ARID4B: variants seen among roughly 807,000 people sequenced by gnomAD.
ARID4B encodes AT-rich interaction domain 4B.
A neutral mutation model predicts 147.5 loss-of-function variants in ARID4B; 26 were observed. That is an observed-to-expected ratio of 0.18 (90% confidence interval 0.13 to 0.24). The LOEUF is 0.24. Ranked by LOEUF, ARID4B falls within the 10% of genes least tolerant of loss-of-function variation. The probability of loss-of-function intolerance (pLI) is 1.00; values close to 1 mark genes in which losing one functional copy is unlikely to be tolerated. For synonymous variants in ARID4B, 512 were observed against 507.9 expected, an observed-to-expected ratio of 1.01 and a Z score of -0.11; for missense variants, 1,179 against 1,511.5, an observed-to-expected ratio of 0.78 and a Z score of 3.65.
chr1:235,260,749 G>C lies in ARID4B; in HGVS notation c.10C>G (p.Leu4Val), dbSNP rs1348926513. Residue 4 changes from leucine to valine, a missense_variant, in exon 3 of 24, where the codon CTT becomes GTT. Leu to Val is a conservative substitution (Grantham distance 32, BLOSUM62 1). Transcript: ENST00000264183. ...ACTGTCAAATAGGGAGGCTCATCAAGGGCCTAAAAATGCAAAGAAATATAA... is the reference window on the plus strand; with the variant it reads ...ACTGTCAAATAGGGAGGCTCATCAACGGCCTAAAAATGCAAAGAAATATAA... The part of the protein sequence containing the change: MKA[L>V]DEPPYLTVGT... The C allele has an allele frequency of 6.3e-7, 1 of 1,599,296 alleles. No individual in the cohort carries two copies. Among genetic ancestry groups the C allele is most frequent in the Admixed American group, 1.8e-5 (1 of 56,738 alleles).
At position 235,235,441 on chromosome 1, in the gene ARID4B, G is replaced by T. The variant is rs545427529; in HGVS notation, c.586-949C>A. 2.0e-5 allele frequency among the ~76,000 whole-genome samples: 3 copies of T among 152,292 alleles called. No individual in the cohort carries two copies. In the East Asian group the frequency reaches 5.8e-4, roughly 29 times the overall value. On this transcript the variant is annotated intron_variant, in intron 8 of 23. Transcript: ENST00000264183. Reference sequence around the variant, plus strand: ...AATCCACTCATTACTTTTCCCTGATGAGCGAAGGATTTCGAAAACTGCACA... The same window carrying T: ...AATCCACTCATTACTTTTCCCTGATTAGCGAAGGATTTCGAAAACTGCACA...
intron 2 of ARID4B, among the ~76,000 whole-genome samples, chr1:235,316,493 A>G (rs1674442492): frequency 6.6e-6 from 1 of 152,062 alleles, no homozygotes; most frequent in South Asian, 2.1e-4. Context: ...TGGGCGACAC[A>G]GCAAGACTTC....
At chr1:235,326,352 G>A (rs1257644469) in intron 2 of ARID4B, among the ~76,000 whole-genome samples, 1 of 152,042 alleles carries the variant, frequency 6.6e-6, no homozygotes, top group Admixed American at 6.6e-5. Context: ...CTTATTTACA[G>A]ACCAACCAGA....
At position 235,219,854 on chromosome 1, in the gene ARID4B, T is replaced by C. The variant is rs917178689; in HGVS notation, c.1522A>G (p.Thr508Ala). 23 of 1,609,268 alleles carry C rather than the reference T, an allele frequency of 1.4e-5. No homozygotes were observed. The highest frequency in any genetic ancestry group is 9.0e-5 in the East Asian group (4 of 44,626). Residue 508 changes from threonine (T) to alanine (A), a missense_variant, in exon 16 of 24, where the codon ACT becomes GCT. This residue lies in a region of ARID4B where 204 missense variants were observed against 210.9 expected (regional missense o/e 0.97). Transcript: ENST00000264183. ...ENLDDKDDDT[T>A]RVDESLNIKV... ...ATGTTGAGGGATTCATCTACCCTAGTTGTGTCATCATCTTTGTCATCCAGA... is the reference window on the plus strand; with the variant it reads ...ATGTTGAGGGATTCATCTACCCTAGCTGTGTCATCATCTTTGTCATCCAGA...
At chr1:235,265,967 T>C (rs1316703494) in intron 2 of ARID4B, among the ~76,000 whole-genome samples, 1 of 152,148 alleles carries the variant, frequency 6.6e-6, no homozygotes, top group Non-Finnish European at 1.5e-5. Flanking sequence ...TTTAAGTCTA[T>C]ATACAAATGG....
chr1:235,240,170 G>A, intron 8 of ARID4B, 143 bp downstream of exon 8: 1 of 695,678 alleles, frequency 1.4e-6, no homozygotes, highest in Non-Finnish European at 2.2e-6. Flanking sequence ...CAAAGACAAC[G>A]TTGAAAGTAA....
chr1:235,317,841 T>A (rs890126466), intron 2 of ARID4B, among the ~76,000 whole-genome samples: 1 of 152,216 alleles, frequency 6.6e-6, no homozygotes, highest in African/African-American at 2.4e-5. Context: ...ATTGAATTAA[T>A]TTTTTAAATG....
chr1:235,278,568 T>C (rs1269684830), intron 2 of ARID4B, among the ~76,000 whole-genome samples: 1 of 152,292 alleles, frequency 6.6e-6, no homozygotes, highest in East Asian at 1.9e-4. Flanking sequence ...CCAGGTGATA[T>C]GAGGAAGATT....
At chr1:235,226,280 T>G (rs1187690237) in intron 11 of ARID4B, among the ~76,000 whole-genome samples, 2 of 152,206 alleles carry the variant, frequency 1.3e-5, no homozygotes, top group East Asian at 3.8e-4. Flanking sequence ...TTTAAGGAAC[T>G]TACAAATTCG....
intron 6 of ARID4B, among the ~76,000 whole-genome samples, chr1:235,247,949 T>C (rs528856673): frequency 4.1e-4 from 63 of 152,082 alleles, no homozygotes; most frequent in Admixed American, 2.0e-3. Flanking sequence ...GATTACACCA[T>C]TGCACTCCAG....
chr1:235,297,564 T>C (rs1360518203), intron 2 of ARID4B, among the ~76,000 whole-genome samples: 1 of 152,170 alleles, frequency 6.6e-6, no homozygotes, highest in South Asian at 2.1e-4. Flanking sequence ...GCGAAAACCT[T>C]TGTGTGAAAG....
intron 2 of ARID4B, among the ~76,000 whole-genome samples, chr1:235,262,183 TA>T (rs1350207523): frequency 6.6e-6 from 1 of 152,118 alleles, no homozygotes; most frequent in Non-Finnish European, 1.5e-5. Flanking sequence ...GATTTTAAAA[TA>T]AATTCTCCCC....
chr1:235,311,647 G>C (rs1264122777), intron 2 of ARID4B, among the ~76,000 whole-genome samples: 1 of 151,884 alleles, frequency 6.6e-6, no homozygotes, highest in African/African-American at 2.4e-5. Context: ...GATGGCACGG[G>C]ACTGTAGTCC....
chr1:235,208,172 C>T (rs1004210476), intron 17 of ARID4B, among the ~76,000 whole-genome samples: 3 of 152,122 alleles, frequency 2.0e-5, no homozygotes, highest in African/African-American at 7.2e-5. Context: ...AAATTCCATG[C>T]CAATTAGTCT....
chr1:235,186,416 T>A (rs1432389676), intron 19 of ARID4B, among the ~76,000 whole-genome samples: 1 of 152,108 alleles, frequency 6.6e-6, no homozygotes, highest in Non-Finnish European at 1.5e-5. Flanking sequence ...TGCTTATTTT[T>A]TTTTTTTTTT....
At chr1:235,316,748 G>A (rs777197541) in intron 2 of ARID4B, among the ~76,000 whole-genome samples, 5 of 151,942 alleles carry the variant, frequency 3.3e-5, no homozygotes, top group Non-Finnish European at 7.4e-5. Flanking sequence ...GAATCCGGGA[G>A]CCGAGTGTTG....
At chr1:235,320,975 T>C (rs549746851) in intron 2 of ARID4B, among the ~76,000 whole-genome samples, 2 of 152,296 alleles carry the variant, frequency 1.3e-5, no homozygotes, top group Admixed American at 6.5e-5. Context: ...TCAAAGCACT[T>C]AGCATTATTT....
Position 235,224,769 on chromosome 1 carries a change from T to C in ARID4B, c.904A>G (p.Ile302Val), listed in dbSNP as rs761179425. The C allele has an allele frequency of 2.5e-6, 4 of 1,583,876 alleles. No individual in the cohort carries two copies. In the East Asian group the frequency reaches 9.0e-5, roughly 35 times the overall value. ...TCCCTTTCTTCTGGAAATGGTTCTA[T>C]TTCTTCCTAATTTTAATCACAGAAG... is the stretch of plus-strand genomic sequence containing the variant. ...EDNSSEEEEE[I>V]EPFPEERENF... is the part of the protein sequence containing the mutation. The change falls in exon 12 of 24, where the codon ATA (isoleucine) becomes GTA (valine). Residue 302 changes from isoleucine (I) to valine (V), a missense_variant. Physicochemically the swap from Ile to Val is conservative, Grantham distance 29 (BLOSUM62 3). Coordinates refer to ENST00000264183, the MANE Select transcript of ARID4B (RefSeq NM_016374.6).
At chr1:235,201,482 C>A (rs925909977) in intron 17 of ARID4B, among the ~76,000 whole-genome samples, 1 of 152,094 alleles carries the variant, frequency 6.6e-6, no homozygotes, top group African/African-American at 2.4e-5. Flanking sequence ...CACCACCACA[C>A]CTGGATAATT....
Sources: gnomAD v4.1 joint callset for allele counts (sites outside exome capture counted in the v4.1 genomes callset) on GRCh38, gnomAD v4.1.1 for gene constraint, gnomAD v4.1.1 regional missense constraint, MANE v1.5 for transcripts, NCBI Gene and HGNC (gene_info 2026-07-23, HGNC 2026-07-21) for gene names.